The following LRRC4C variants were observed in gnomAD, a reference collection of about 807,000 sequenced individuals.
LRRC4C encodes the protein leucine-rich repeat-containing protein 4C.
In LRRC4C, 5 loss-of-function variants were observed where a neutral mutation model predicts 33.6. The observed-to-expected ratio is 0.15, with a 90% CI of 0.08 to 0.31. The LOEUF is 0.31. Among genes scored for constraint, LRRC4C ranks in the 10% least tolerant of loss-of-function variants. The pLI is 1.00. For synonymous variants in LRRC4C, 329 were observed against 302.0 expected, an observed-to-expected ratio of 1.09 and a Z score of -0.93; for missense variants, 560 against 796.7, an observed-to-expected ratio of 0.70 and a Z score of 3.58.
intron 1 of LRRC4C, among the ~76,000 whole-genome samples, chr11:41,390,835 A>G (rs1206273319): frequency 6.6e-6 from 1 of 151,876 alleles, no homozygotes; most frequent in African/African-American, 2.4e-5. Context: ...GGCAAGGACT[A>G]AGTTTGTCTT....
intron 2 of LRRC4C, among the ~76,000 whole-genome samples, chr11:40,901,176 C>G (rs534081515): frequency 5.3e-5 from 8 of 152,162 alleles, no homozygotes; most frequent in Non-Finnish European, 1.0e-4. Context: ...TGTCAGAACA[C>G]CTTGACGTGC....
intron 2 of LRRC4C, among the ~76,000 whole-genome samples, chr11:40,828,152 TAC>T (rs57515808): frequency 0.035 from 5,184 of 146,892 alleles, 132 homozygotes; most frequent in Non-Finnish European, 0.052. Flanking sequence ...TATACAAACA[TAC>T]ACACACACAC....
At chr11:40,399,844 C>T (rs551438023) in intron 3 of LRRC4C, among the ~76,000 whole-genome samples, 8 of 152,050 alleles carry the variant, frequency 5.3e-5, no homozygotes, top group Admixed American at 2.6e-4. Flanking sequence ...CCTGGGGAAA[C>T]GGGGCAGTTT....
chr11:41,399,326 G>C lies in LRRC4C; in HGVS notation c.-496+60105C>G, dbSNP rs945740059. On this transcript the variant is annotated intron_variant, in intron 1 of 6. Transcript: ENST00000528697. ...GGGGTGAAAACGCAACTTTTTGTTA[G>C]AAGTATGTTCATTTTCTTGGGACTG... Among the ~76,000 whole-genome samples the C allele has an allele frequency of 1.8e-4, 27 of 151,940 alleles. 1 individual carries two copies. Among genetic ancestry groups the C allele is most frequent in the African/African-American group, 6.5e-4 (27 of 41,418 alleles).
intron 1 of LRRC4C, among the ~76,000 whole-genome samples, chr11:41,215,136 A>C (rs1282636218): frequency 6.6e-6 from 1 of 151,330 alleles, no homozygotes; most frequent in Non-Finnish European, 1.5e-5. Flanking sequence ...AACTTTACAG[A>C]ATTGTGCAAT....
At chr11:40,678,696 C>T (rs116637605) in intron 2 of LRRC4C, among the ~76,000 whole-genome samples, 2,036 of 152,220 alleles carry the variant, frequency 0.013, 20 homozygotes, top group African/African-American at 0.024. Context: ...CCCGCCGCCA[C>T]GTAAGACGTC....
intron 4 of LRRC4C, among the ~76,000 whole-genome samples, chr11:40,287,256 ATG>A (rs5791367): frequency 0.54 from 78,439 of 144,578 alleles, 21,143 homozygotes; most frequent in East Asian, 0.74. Flanking sequence ...ATGTCACTGT[ATG>A]TGTGTGTGTG....
At position 41,043,279 on chromosome 11, in the gene LRRC4C, T is replaced by C. The variant is rs145305275; in HGVS notation, c.-495-109556A>G. Reference sequence around the variant, plus strand: ...AAATCCCCTTGGCTCTTGCACTTTATGGCTGCAGACCACAACACCATCAAC... The same window carrying C: ...AAATCCCCTTGGCTCTTGCACTTTACGGCTGCAGACCACAACACCATCAAC... On this transcript the variant is annotated intron_variant, in intron 1 of 6. Coordinates refer to ENST00000528697, the MANE Select transcript of LRRC4C (RefSeq NM_001258419.2). Among the ~76,000 whole-genome samples the C allele has an allele frequency of 5.8e-3, 881 of 152,116 alleles. 10 individuals carry two copies. The highest frequency in any genetic ancestry group is 0.019 in the African/African-American group (802 of 41,516).
At chr11:41,392,332 A>G (rs1953631283) in intron 1 of LRRC4C, among the ~76,000 whole-genome samples, 1 of 151,810 alleles carries the variant, frequency 6.6e-6, no homozygotes, top group Admixed American at 6.6e-5. Context: ...GTTTTTGTAC[A>G]AGTGTTTAAC....
intron 2 of LRRC4C, among the ~76,000 whole-genome samples, chr11:40,930,305 T>G (rs1405948416): frequency 6.6e-6 from 1 of 152,190 alleles, no homozygotes; most frequent in Non-Finnish European, 1.5e-5. Context: ...TTTTTCTTTC[T>G]TATTATCCGC....
chr11:40,942,830 C>T (rs568122062), intron 1 of LRRC4C, among the ~76,000 whole-genome samples: 5 of 152,254 alleles, frequency 3.3e-5, no homozygotes, highest in African/African-American at 1.2e-4. Flanking sequence ...ACCAGACAGA[C>T]CAGAGTTCCA....
At chr11:40,365,444 G>T (rs1412780290) in intron 3 of LRRC4C, among the ~76,000 whole-genome samples, 4 of 151,934 alleles carry the variant, frequency 2.6e-5, no homozygotes, top group Non-Finnish European at 5.9e-5. Context: ...TAAAAGAAAG[G>T]TGTTGGCCTT....
chr11:40,982,370 C>T (rs1351285404), intron 1 of LRRC4C, among the ~76,000 whole-genome samples: 1 of 152,126 alleles, frequency 6.6e-6, no homozygotes. Context: ...AAAACAGAGT[C>T]ACCTGACTTT....
chr11:40,416,615 C>T (rs184415980), intron 3 of LRRC4C, among the ~76,000 whole-genome samples: 1 of 152,270 alleles, frequency 6.6e-6, no homozygotes, highest in African/African-American at 2.4e-5. Context: ...AAAAACCACC[C>T]TGTATCAATT....
chr11:40,657,701 T>C (rs915085679), intron 2 of LRRC4C, among the ~76,000 whole-genome samples: 1 of 152,182 alleles, frequency 6.6e-6, no homozygotes, highest in African/African-American at 2.4e-5. Flanking sequence ...ATTGTTGTCT[T>C]CTGTCTTCCT....
chr11:40,624,140 T>C (rs1962713214), intron 3 of LRRC4C, among the ~76,000 whole-genome samples: 1 of 152,106 alleles, frequency 6.6e-6, no homozygotes, highest in Admixed American at 6.6e-5. Context: ...TTCTGTTTGG[T>C]CAGTGTGTTC....
chr11:41,237,237 C>G (rs190031999), intron 1 of LRRC4C, among the ~76,000 whole-genome samples: 1 of 152,264 alleles, frequency 6.6e-6, no homozygotes, highest in Admixed American at 6.5e-5. Flanking sequence ...TTACTGTTTT[C>G]TCACCTTGAC....
At chr11:40,775,528 T>G (rs1949956939) in intron 2 of LRRC4C, among the ~76,000 whole-genome samples, 1 of 152,248 alleles carries the variant, frequency 6.6e-6, no homozygotes, top group African/African-American at 2.4e-5. Context: ...TTTATTTTAT[T>G]TTATTTTTGG....
chr11:41,085,143 G>A (rs1481961890), intron 1 of LRRC4C, among the ~76,000 whole-genome samples: 3 of 152,122 alleles, frequency 2.0e-5, no homozygotes, highest in Non-Finnish European at 4.4e-5. Context: ...TTAAGAATTG[G>A]ATATTGTCAT....
Sources: gnomAD v4.1 joint callset for allele counts (sites outside exome capture counted in the v4.1 genomes callset) on GRCh38, gnomAD v4.1.1 for gene constraint, MANE v1.5 for transcripts, NCBI Gene and HGNC (gene_info 2026-07-23, HGNC 2026-07-21) for gene names.